SREK1: variants seen among roughly 807,000 people sequenced by gnomAD.
SREK1 encodes the protein splicing regulatory glutamine/lysine-rich protein 1.
Under a neutral mutation model 66.5 loss-of-function variants are expected in SREK1, and 13 were observed. That is an observed-to-expected ratio of 0.20 (90% CI 0.13 to 0.31). The LOEUF (loss-of-function observed/expected upper bound fraction) is 0.31. SREK1 is among the 10% of genes least tolerant of loss of function. SREK1 has a pLI of 1.00. For missense variants in SREK1, 607 were observed against 769.6 expected, an observed-to-expected ratio of 0.79 and a Z score of 2.50; for synonymous variants, 265 against 263.5, an observed-to-expected ratio of 1.01 and a Z score of -0.05.
At chr5:66,148,930 C>T (rs146151668) in intron 1 of SREK1, among the ~76,000 whole-genome samples, 2 of 152,136 alleles carry the variant, frequency 1.3e-5, no homozygotes, top group African/African-American at 4.8e-5. Flanking sequence ...TGGCTTGCTA[C>T]TCTAATAATT....
intron 3 of SREK1, 34 bp downstream of exon 3, chr5:66,159,368 A>C: frequency 1.3e-6 from 2 of 1,545,702 alleles, no homozygotes; most frequent in Non-Finnish European, 1.8e-6. Flanking sequence ...GAAAGAGGTG[A>C]ATGTTCAACT....
In SREK1 at chr5:66,183,010, A is replaced by G. The variant is rs1746618248; in HGVS notation, c.*4142A>G. 1 of 152,222 alleles carries G rather than the reference A, an allele frequency of 6.6e-6. No individual in the cohort carries two copies. The highest frequency in any genetic ancestry group is 2.1e-4 in the South Asian group (1 of 4,836). 9.4% of individuals were successfully genotyped at this position (152,222 alleles called of 1,614,324 possible). A position where few individuals can be genotyped will look rare whatever the true frequency, so the allele number is the denominator to read the frequency against. ...GCAATTAGTTTGTTACAATTAGCTT[A>G]TATCAGATATAACAGTTCTTAATAT... is the stretch of plus-strand genomic sequence containing the variant. On this transcript the variant is annotated 3_prime_UTR_variant, in exon 12 of 12. Coordinates refer to ENST00000334121, the MANE Select transcript of SREK1 (RefSeq NM_001077199.3).
chr5:66,149,064 A>C (rs1400793753), intron 1 of SREK1, among the ~76,000 whole-genome samples: 1 of 152,232 alleles, frequency 6.6e-6, no homozygotes, highest in Non-Finnish European at 1.5e-5. Context: ...ATGAAGATTA[A>C]GAAAATTGGC....
At position 66,153,517 on chromosome 5, in the gene SREK1, A is replaced by C; in HGVS notation, c.216A>C (p.Pro72=). The C allele has an allele frequency of 6.2e-7, 1 of 1,614,078 alleles. No homozygotes were observed. Among genetic ancestry groups the C allele is most frequent in the South Asian group, 1.1e-5 (1 of 91,066 alleles). The change falls in exon 2 of 12, where the codon CCA becomes CCC. Residue 72 remains proline (P), a synonymous_variant. Coordinates refer to ENST00000334121, the MANE Select transcript of SREK1 (RefSeq NM_001077199.3). Reference sequence around the variant, plus strand: ...TATGTTATGTTAAGTTTCGTGATCCATCAAGTGTTGGCGTGGCCCAGCATC... The same window carrying C: ...TATGTTATGTTAAGTTTCGTGATCCCTCAAGTGTTGGCGTGGCCCAGCATC... The part of the protein sequence containing the change: ...SKVCYVKFRD[P]SSVGVAQHLT...
chr5:66,171,765 C>T (rs746360744), intron 9 of SREK1, among the ~76,000 whole-genome samples: 3 of 151,746 alleles, frequency 2.0e-5, no homozygotes, highest in Non-Finnish European at 2.9e-5. Flanking sequence ...TTTTTAATAC[C>T]AGCCTTTGAC....
Position 66,162,419 on chromosome 5 carries a change from G to T in SREK1, c.582G>T (p.Thr194=). ...VYVGNLNSQT[T]TADQLLEFFK... ...GTGTCACTTTGTTCCCTTAGACAAC[G>T]ACAGCTGATCAACTACTTGAATTTT... Residue 194 remains threonine, a synonymous_variant, in exon 5 of 12, where the codon ACG becomes ACT. Transcript: ENST00000334121. The T allele has an allele frequency of 6.2e-7, 1 of 1,613,760 alleles. No homozygotes were observed. Among genetic ancestry groups the T allele is most frequent in the South Asian group, 1.1e-5 (1 of 91,004 alleles).
At position 66,170,735 on chromosome 5, in the gene SREK1, C is replaced by G; in HGVS notation, c.1272C>G (p.Asp424Glu). The change falls in exon 9 of 12, where the codon GAC becomes GAG. Residue 424 changes from aspartate to glutamate, a missense_variant. Asp to Glu is a conservative substitution (Grantham distance 45, BLOSUM62 2). Coordinates refer to ENST00000334121, the MANE Select transcript of SREK1 (RefSeq NM_001077199.3). ...ACCGGGACAAGGAACGGGAAAAGGA[C>G]CGGGAAAAAGACAAGGAAAAGGACA... ...NKDRDKEREK[D>E]REKDKEKDRE... The G allele has an allele frequency of 2.5e-6, 4 of 1,599,154 alleles. No individual in the cohort carries two copies. The highest frequency in any genetic ancestry group is 3.4e-6 in the Non-Finnish European group (4 of 1,172,816).
intron 9 of SREK1, among the ~76,000 whole-genome samples, chr5:66,172,698 A>C (rs1217266029): frequency 6.6e-6 from 1 of 152,038 alleles, no homozygotes; most frequent in Non-Finnish European, 1.5e-5. Context: ...ACCTGGCTCA[A>C]ATACATTCTT....
intron 5 of SREK1, 169 bp downstream of exon 5, chr5:66,162,761 A>C (rs930761186): frequency 3.5e-6 from 2 of 568,492 alleles, no homozygotes; most frequent in African/African-American, 3.8e-5. Flanking sequence ...TTTAGTCTTT[A>C]AATTCCTTTA....
chr5:66,155,684 T>A (rs1018982827), intron 2 of SREK1, among the ~76,000 whole-genome samples: 4 of 152,202 alleles, frequency 2.6e-5, no homozygotes, highest in African/African-American at 9.7e-5. Context: ...AGAAAAAAAT[T>A]TAAGAAGTTT....
chr5:66,176,719 C>T (rs1463566992), intron 10 of SREK1, among the ~76,000 whole-genome samples: 3 of 151,856 alleles, frequency 2.0e-5, no homozygotes, highest in Non-Finnish European at 2.9e-5. Context: ...TTTCTTAATT[C>T]CTAGAAATTT....
chr5:66,175,260 T>C (rs1745965281), intron 10 of SREK1, among the ~76,000 whole-genome samples: 1 of 152,216 alleles, frequency 6.6e-6, no homozygotes, highest in African/African-American at 2.4e-5. Context: ...TGAGGTTTTT[T>C]TGTATATGCT....
chr5:66,178,916 C>A lies in SREK1; in HGVS notation c.*48C>A. ...CTCAATGCTGGAATCAAATCCAAAG[C>A]TTTTAATTCTCTCAACAAGATGTAA... On this transcript the variant is annotated 3_prime_UTR_variant, in exon 12 of 12. Coordinates refer to ENST00000334121, the MANE Select transcript of SREK1 (RefSeq NM_001077199.3). 6.7e-7 allele frequency: 1 copy of A among 1,497,106 alleles called. No homozygotes were observed. Among genetic ancestry groups the A allele is most frequent in the South Asian group, 1.4e-5 (1 of 70,054 alleles). 92.7% of individuals were successfully genotyped at this position (1,497,106 alleles called of 1,614,324 possible).
At position 66,164,876 on chromosome 5, in the gene SREK1, A is replaced by G. The variant is rs574573346; in HGVS notation, c.980A>G (p.Lys327Arg). The G allele has an allele frequency of 3.1e-6, 5 of 1,613,960 alleles. No homozygotes were observed. Among genetic ancestry groups the G allele is most frequent in the East Asian group, 4.5e-5 (2 of 44,880 alleles). Residue 327 changes from lysine to arginine, a missense_variant, in exon 7 of 12, where the codon AAA (lysine) becomes AGA (arginine). Coordinates refer to ENST00000334121, the MANE Select transcript of SREK1 (RefSeq NM_001077199.3). ...AGCTCAAAATCCCATTCTAGAAGGA[A>G]AAGATCACAATCAAAACACAGGTGA... is the stretch of plus-strand genomic sequence containing the variant. ...RSSSKSHSRR[K>R]RSQSKHRSRS...
intron 9 of SREK1, 70 bp downstream of exon 9, chr5:66,171,017 G>A: frequency 6.6e-7 from 1 of 1,525,714 alleles, no homozygotes; most frequent in South Asian, 1.4e-5. Flanking sequence ...TTTTTACGGA[G>A]GGAGAAAAGG....
chr5:66,157,233 C>T (rs1744361889), intron 2 of SREK1: 1 of 984,960 alleles, frequency 1.0e-6, no homozygotes, highest in African/African-American at 1.7e-5. Flanking sequence ...GAGAGTTTGA[C>T]AACCTACTGA....
At chr5:66,151,451 C>A (rs1743797561) in intron 1 of SREK1, among the ~76,000 whole-genome samples, 2 of 152,168 alleles carry the variant, frequency 1.3e-5, no homozygotes, top group Non-Finnish European at 2.9e-5. Context: ...AGGATGGTCA[C>A]ACTAGTGACT....
At chr5:66,149,253 G>C (rs938418019) in intron 1 of SREK1, among the ~76,000 whole-genome samples, 7 of 151,960 alleles carry the variant, frequency 4.6e-5, no homozygotes, top group African/African-American at 1.5e-4. Flanking sequence ...CTTGGGAGGC[G>C]GCAGGAGAAT....
chr5:66,163,629 A>T, intron 5 of SREK1, 163 bp from the exon 6 acceptor site: 1 of 589,830 alleles, frequency 1.7e-6, no homozygotes, highest in Non-Finnish European at 2.7e-6. Context: ...TGGGGATGAG[A>T]GATTAATCAT....
Sources: allele counts gnomAD v4.1 joint callset (sites outside exome capture counted in the v4.1 genomes callset), GRCh38; gene constraint gnomAD v4.1.1; transcripts MANE v1.5; gene names NCBI Gene and HGNC (gene_info 2026-07-23, HGNC 2026-07-21).